Variants in PRKN observed in about 807,000 individuals in gnomAD.
PRKN encodes the protein E3 ubiquitin-protein ligase parkin.
In PRKN, 56 loss-of-function variants were observed where a neutral mutation model predicts 59.5. The ratio of observed to expected loss-of-function variants is 0.94; its 90% CI spans 0.76 to 1.18. The LOEUF is 1.18. PRKN is among the 50% of genes most tolerant of loss of function. The pLI is 0.00. For synonymous variants in PRKN, 250 were observed against 222.1 expected (o/e 1.13, Z -1.12); for missense variants, 657 against 596.4 (o/e 1.10, Z -1.06).
Position 161,550,226 on chromosome 6 carries a change from A to G in PRKN, c.934-1223T>C, listed in dbSNP as rs1423791568. On this transcript the variant is annotated intron_variant, in intron 8 of 11. Transcript: ENST00000366898. The surrounding 1 kb of genome is among the most constrained non-coding windows in gnomAD (Gnocchi z 4.0). ...GGAGGCAGAGAGAACAAGGAGGGAA[A>G]AAAACAGAAGGTGAAGTTGGAGAGT... Among the ~76,000 whole-genome samples, 1 of 152,196 alleles carries G rather than the reference A, an allele frequency of 6.6e-6. No homozygotes were observed. Among genetic ancestry groups the G allele is most frequent in the Non-Finnish European group, 1.5e-5 (1 of 68,042 alleles).
chr6:162,326,944 TC>T, intron 2 of PRKN, among the ~76,000 whole-genome samples: 1 of 152,292 alleles, frequency 6.6e-6, no homozygotes, highest in Admixed American at 6.5e-5. Flanking sequence ...ATAATTTACA[TC>T]AAAATTTTTC....
intron 4 of PRKN, among the ~76,000 whole-genome samples, chr6:162,106,215 A>G (rs1259258450): frequency 6.6e-6 from 1 of 152,124 alleles, no homozygotes; most frequent in Non-Finnish European, 1.5e-5. Flanking sequence ...AGGCTGGGAG[A>G]AGAGATGTGG....
intron 2 of PRKN, among the ~76,000 whole-genome samples, chr6:162,289,216 T>C (rs896381038): frequency 6.6e-6 from 1 of 152,122 alleles, no homozygotes; most frequent in Non-Finnish European, 1.5e-5. Flanking sequence ...CTTGTAGATA[T>C]CCACCTTCCC....
At chr6:162,350,267 A>G (rs916526025) in intron 2 of PRKN, among the ~76,000 whole-genome samples, 1 of 152,152 alleles carries the variant, frequency 6.6e-6, no homozygotes, top group Non-Finnish European at 1.5e-5. Flanking sequence ...CAAAATATCA[A>G]TACTCTCCAA....
chr6:161,835,351 C>T (rs1040102429), intron 6 of PRKN, among the ~76,000 whole-genome samples: 3 of 151,966 alleles, frequency 2.0e-5, no homozygotes, highest in Non-Finnish European at 4.4e-5. Context: ...AACAGATTCA[C>T]GCAGAACCCC....
chr6:161,906,946 G>A (rs1778173191), intron 6 of PRKN, among the ~76,000 whole-genome samples: 1 of 151,974 alleles, frequency 6.6e-6, no homozygotes, highest in Non-Finnish European at 1.5e-5. Flanking sequence ...TGGCTACACT[G>A]GCAGCTGATT....
intron 7 of PRKN, among the ~76,000 whole-genome samples, chr6:161,653,190 G>A (rs1037444635): frequency 7.9e-5 from 12 of 151,710 alleles, no homozygotes; most frequent in African/African-American, 2.4e-4. Flanking sequence ...GTGAAACCCC[G>A]TCTCTATTAA....
chr6:161,640,744 G>GC (rs2128158317), intron 7 of PRKN, among the ~76,000 whole-genome samples: 1 of 152,230 alleles, frequency 6.6e-6, no homozygotes, highest in South Asian at 2.1e-4. Context: ...AACAGCAACA[G>GC]CCACATCCTC....
chr6:162,593,067 G>A (rs777193075), intron 1 of PRKN, among the ~76,000 whole-genome samples: 1 of 152,090 alleles, frequency 6.6e-6, no homozygotes, highest in Non-Finnish European at 1.5e-5. Context: ...TGCTGGATAC[G>A]ATGTCAGCTA....
chr6:162,650,533 G>C (rs1400248599), intron 1 of PRKN, among the ~76,000 whole-genome samples: 40 of 145,816 alleles, frequency 2.7e-4, no homozygotes, highest in African/African-American at 9.9e-4. Context: ...GGGAGGCGGA[G>C]CTTGCAGTGA....
chr6:162,218,146 G>C (rs569353736), intron 3 of PRKN, among the ~76,000 whole-genome samples: 22 of 152,304 alleles, frequency 1.4e-4, no homozygotes, highest in Non-Finnish European at 2.6e-4. Context: ...GAGTCTCTGG[G>C]AGCACTTGCT....
chr6:162,197,400 C>T (rs1376582639), intron 4 of PRKN, among the ~76,000 whole-genome samples: 2 of 151,998 alleles, frequency 1.3e-5, no homozygotes, highest in Non-Finnish European at 2.9e-5. Flanking sequence ...AGTTACTGTA[C>T]TAAAATATGG....
At chr6:161,810,824 G>A (rs941374403) in intron 6 of PRKN, among the ~76,000 whole-genome samples, 3 of 152,186 alleles carry the variant, frequency 2.0e-5, no homozygotes, top group East Asian at 3.9e-4. Context: ...AATTCAACAC[G>A]ATGTATGCTA....
At chr6:161,932,704 G>A (rs935895781) in intron 6 of PRKN, among the ~76,000 whole-genome samples, 2 of 152,108 alleles carry the variant, frequency 1.3e-5, no homozygotes, top group African/African-American at 4.8e-5. Context: ...GAATGCTTAT[G>A]TACAACACAC....
intron 1 of PRKN, among the ~76,000 whole-genome samples, chr6:162,635,580 G>A (rs1388414504): frequency 8.3e-6 from 1 of 120,726 alleles, no homozygotes; most frequent in Non-Finnish European, 1.7e-5. Flanking sequence ...TTGTTATTAA[G>A]TTTTCTTATT....
intron 7 of PRKN, among the ~76,000 whole-genome samples, chr6:161,695,974 C>T (rs1024172419): frequency 6.6e-6 from 1 of 152,204 alleles, no homozygotes; most frequent in East Asian, 1.9e-4. Flanking sequence ...TGTTTAAAAA[C>T]AGGCCATGCA....
At chr6:162,320,655 A>C (rs901008198) in intron 2 of PRKN, among the ~76,000 whole-genome samples, 1 of 151,752 alleles carries the variant, frequency 6.6e-6, no homozygotes, top group African/African-American at 2.4e-5. Context: ...TATAACCACT[A>C]CAAAAACAGT....
intron 1 of PRKN, among the ~76,000 whole-genome samples, chr6:162,546,419 C>T (rs1779118636): frequency 6.6e-6 from 1 of 151,186 alleles, no homozygotes; most frequent in South Asian, 2.1e-4. Flanking sequence ...CAGTTTTGAC[C>T]TTGTTATTTG....
chr6:162,245,583 G>A (rs1049481924), intron 3 of PRKN, among the ~76,000 whole-genome samples: 1 of 151,986 alleles, frequency 6.6e-6, no homozygotes, highest in Non-Finnish European at 1.5e-5. Context: ...TAGAGGTCAC[G>A]CTCAAATGGA....
Sources: allele counts gnomAD v4.1 joint callset (sites outside exome capture counted in the v4.1 genomes callset), GRCh38; gene constraint gnomAD v4.1.1; non-coding constraint Gnocchi (gnomAD v3.1); transcripts MANE v1.5; gene names NCBI Gene and HGNC (gene_info 2026-07-23, HGNC 2026-07-21).